BPIFB6: variants seen among roughly 807,000 people sequenced by gnomAD.
BPIFB6 encodes BPI fold-containing family B member 6.
In BPIFB6, 47 loss-of-function variants were observed where a neutral mutation model predicts 54.7. That is an observed-to-expected ratio of 0.86 (90% CI 0.68 to 1.10). The LOEUF (loss-of-function observed/expected upper bound fraction) is 1.10. Ranked by LOEUF, BPIFB6 falls within the 50% of genes least tolerant of loss-of-function variation. BPIFB6 has a pLI of 0.00. For synonymous variants in BPIFB6, 255 were observed against 225.9 expected (o/e 1.13, Z -1.16); for missense variants, 603 against 564.1 (o/e 1.07, Z -0.70).
intron 10 of BPIFB6, 129 bp from the exon 11 acceptor site, chr20:33,040,122 G>A: frequency 3.7e-6 from 3 of 816,174 alleles, no homozygotes; most frequent in Non-Finnish European, 6.1e-6. Context: ...CTGAGGATGG[G>A]CAGAGAGAAG....
chr20:33,042,089 GC>G, intron 12 of BPIFB6, 74 bp downstream of exon 12: 1 of 1,471,692 alleles, frequency 6.8e-7, no homozygotes, highest in Non-Finnish European at 9.5e-7. Flanking sequence ...GAACTACAGG[GC>G]CGAGGCCCTG....
chr20:33,031,824 C>T, intron 1 of BPIFB6, 80 bp downstream of exon 1: 6 of 1,168,064 alleles, frequency 5.1e-6, no homozygotes, highest in Non-Finnish European at 6.4e-6. Context: ...CTCTTGGTTG[C>T]ACATCCTGGA....
At chr20:33,037,792 C>A in intron 8 of BPIFB6, 54 bp downstream of exon 8, 1 of 1,571,862 alleles carries the variant, frequency 6.4e-7, no homozygotes, top group Non-Finnish European at 8.7e-7. Context: ...CAATGCAGTC[C>A]CTGCCTAGTT....
In BPIFB6 at chr20:33,042,874, C is replaced by T. The variant is rs372649011; in HGVS notation, c.1248C>T (p.Val416=). 1.2e-6 allele frequency: 2 copies of T among 1,613,840 alleles called. No individual in the cohort carries two copies. Among genetic ancestry groups the T allele is most frequent in the Non-Finnish European group, 1.7e-6 (2 of 1,179,878 alleles). Reference sequence around the variant, plus strand: ...TCGAAGAAGCCTACATCCCAGTTGTCAATGGTGAGGGTTCCAAAAGGCTTT... The same window carrying T: ...TCGAAGAAGCCTACATCCCAGTTGTTAATGGTGAGGGTTCCAAAAGGCTTT... The part of the protein sequence containing the change: ...SYLEEAYIPV[V]NDVLQVGLPL... The change falls in exon 13 of 15, where the codon GTC becomes GTT. Residue 416 remains valine (V), a synonymous_variant. Transcript: ENST00000349552.
intron 13 of BPIFB6, 90 bp from the exon 14 acceptor site, chr20:33,043,201 C>A: frequency 1.8e-6 from 2 of 1,103,794 alleles, no homozygotes; most frequent in Non-Finnish European, 2.8e-6. Context: ...TCAATCACTG[C>A]ACTATTTCCC....
At chr20:33,042,942 A>G in intron 13 of BPIFB6, 64 bp downstream of exon 13, 1 of 1,501,942 alleles carries the variant, frequency 6.7e-7, no homozygotes, top group East Asian at 2.3e-5. Context: ...AAGGGATGCC[A>G]CCTGGGTGGT....
chr20:33,034,314 G>A, intron 3 of BPIFB6, 24 bp downstream of exon 3: 2 of 1,530,180 alleles, frequency 1.3e-6, no homozygotes, highest in Non-Finnish European at 9.1e-7. Flanking sequence ...GGGAGGGGCA[G>A]CGGGGAGGAG....
intron 14 of BPIFB6, 73 bp from the exon 15 acceptor site, chr20:33,043,942 G>A: frequency 5.8e-6 from 9 of 1,564,226 alleles, no homozygotes; most frequent in Non-Finnish European, 7.9e-6. Flanking sequence ...CTGACAAGGG[G>A]CCCAGTTCCA....
At chr20:33,034,987 T>A in intron 4 of BPIFB6, 75 bp downstream of exon 4, 1 of 1,606,558 alleles carries the variant, frequency 6.2e-7, no homozygotes, top group Non-Finnish European at 8.5e-7. Context: ...TCCTGAGCCA[T>A]GGAACCCCCT....
chr20:33,039,492 C>T lies in BPIFB6; in HGVS notation c.1046C>T (p.Ala349Val), dbSNP rs769231359. ...TTCGCAGCTCGGTGGCGGAGCAAGG[C>T]TCCAATGTCCCTCTTTCTCCTAGAA... Reference protein sequence around the residue: ...EMFAARWRSKAPMSLFLLEVH... With the variant: ...EMFAARWRSKVPMSLFLLEVH... The change falls in exon 10 of 15, where the codon GCT (alanine) becomes GTT (valine). Residue 349 changes from alanine (A) to valine (V), a missense_variant. Ala to Val is a moderately conservative substitution (Grantham distance 64). Transcript: ENST00000349552. 6.2e-7 allele frequency: 1 copy of T among 1,612,514 alleles called. No individual in the cohort carries two copies. Among genetic ancestry groups the T allele is most frequent in the Non-Finnish European group, 8.5e-7 (1 of 1,179,494 alleles).
chr20:33,038,147 C>T (rs1344479250), intron 8 of BPIFB6, among the ~76,000 whole-genome samples: 1 of 152,100 alleles, frequency 6.6e-6, no homozygotes, highest in Non-Finnish European at 1.5e-5. Context: ...AAGTCTGATA[C>T]TGTTGAATGA....
chr20:33,041,456 C>T (rs902720156), intron 11 of BPIFB6, among the ~76,000 whole-genome samples: 2 of 152,124 alleles, frequency 1.3e-5, no homozygotes, highest in South Asian at 4.1e-4. Flanking sequence ...TGGGTTTAGC[C>T]CATCTGAATG....
chr20:33,033,522 G>C, intron 2 of BPIFB6: 1 of 455,368 alleles, frequency 2.2e-6, no homozygotes, highest in Non-Finnish European at 4.4e-6. Context: ...GATGCACTTG[G>C]GAGGGCTCTG....
chr20:33,034,665 T>C, intron 3 of BPIFB6, 98 bp from the exon 4 acceptor site: 1 of 1,392,100 alleles, frequency 7.2e-7, no homozygotes, highest in Non-Finnish European at 9.8e-7. Context: ...TCCTACCCTT[T>C]CTCCCTCTCA....
chr20:33,032,178 C>G (rs78767810), intron 1 of BPIFB6, among the ~76,000 whole-genome samples: 1 of 152,154 alleles, frequency 6.6e-6, no homozygotes, highest in Non-Finnish European at 1.5e-5. Context: ...CAGTCTGTCC[C>G]TAGCAGGATA....
At chr20:33,040,089 A>G (rs1228054303) in intron 10 of BPIFB6, among the ~76,000 whole-genome samples, 162 bp from the exon 11 acceptor site, 1 of 152,228 alleles carries the variant, frequency 6.6e-6, no homozygotes, top group Non-Finnish European at 1.5e-5. Flanking sequence ...CTGGCGCTAC[A>G]GGGAGATGGC....
intron 12 of BPIFB6, among the ~76,000 whole-genome samples, chr20:33,042,338 G>C (rs1164253622): frequency 6.6e-6 from 1 of 152,218 alleles, no homozygotes; most frequent in East Asian, 1.9e-4. Flanking sequence ...GCCCAACACA[G>C]AACCTGACCC....
rs374023346 is a variant in BPIFB6 at position 33,037,524 on chromosome 20, C to T, written c.670-38C>T. The T allele has an allele frequency of 5.3e-4, 827 of 1,568,408 alleles. 8 individuals carry two copies. In the South Asian group the frequency reaches 8.6e-3, roughly 16 times the overall value. ...AGACACTCCTGGCCAACATCCCTCT[C>T]GGCCAAGGCTGAGTGTCTCCCTCCT... On this transcript the variant is annotated intron_variant, in intron 7 of 14. Transcript: ENST00000349552.
intron 5 of BPIFB6, among the ~76,000 whole-genome samples, chr20:33,035,370 G>A (rs184901307): frequency 3.7e-4 from 57 of 152,302 alleles, no homozygotes; most frequent in African/African-American, 1.3e-3. Context: ...CTTGCCAACC[G>A]TGCTTTGATG....
Sources: gnomAD v4.1 joint callset for allele counts (sites outside exome capture counted in the v4.1 genomes callset) on GRCh38, gnomAD v4.1.1 for gene constraint, MANE v1.5 for transcripts, NCBI Gene and HGNC (gene_info 2026-07-23, HGNC 2026-07-21) for gene names.